LSAMP: variants seen among roughly 807,000 people sequenced by gnomAD.
LSAMP encodes limbic system associated membrane protein.
In LSAMP, 7 loss-of-function variants were observed where a neutral mutation model predicts 38.6. That is an observed-to-expected ratio of 0.18 (90% CI 0.10 to 0.34). The LOEUF is 0.34. LSAMP is among the 10% of genes least tolerant of loss of function. The pLI is 1.00. For missense variants in LSAMP, 313 were observed against 420.0 expected, an observed-to-expected ratio of 0.75 and a Z score of 2.23; for synonymous variants, 154 against 166.8, an observed-to-expected ratio of 0.92 and a Z score of 0.59.
intron 1 of LSAMP, among the ~76,000 whole-genome samples, chr3:116,264,695 G>T (rs375433800): frequency 2.6e-5 from 4 of 152,170 alleles, no homozygotes; most frequent in African/African-American, 9.6e-5. Flanking sequence ...TCAAGCTCCT[G>T]GGCTCAAGCA....
In LSAMP at chr3:115,814,950, T is replaced by TA. The variant is rs137899515; in HGVS notation, c.920-4537dup. On this transcript the variant is annotated intron_variant, in intron 6 of 6. Coordinates refer to ENST00000490035, the MANE Select transcript of LSAMP (RefSeq NM_002338.5). ...AAGATGCATTTAGAAGGAAGCCTGA[T>TA]AAAATTGACTTTGGCGCCACCTGCT... is the stretch of plus-strand genomic sequence containing the variant. Among the ~76,000 whole-genome samples the TA allele has an allele frequency of 3.7e-4, 56 of 152,326 alleles. No individual in the cohort carries two copies. In the East Asian group the frequency reaches 0.011, roughly 29 times the overall value.
At chr3:115,909,960 T>A (rs575802468) in intron 3 of LSAMP, among the ~76,000 whole-genome samples, 9 of 152,322 alleles carry the variant, frequency 5.9e-5, no homozygotes, top group Non-Finnish European at 1.3e-4. Context: ...GGTAGTTATT[T>A]TGGGCTTGCA....
At chr3:116,033,829 C>A (rs904055618) in intron 2 of LSAMP, among the ~76,000 whole-genome samples, 1 of 152,010 alleles carries the variant, frequency 6.6e-6, no homozygotes, top group Non-Finnish European at 1.5e-5. Context: ...GTGGGGAGAA[C>A]GTGATGCAGA....
intron 1 of LSAMP, among the ~76,000 whole-genome samples, chr3:116,267,276 T>C (rs2046904858): frequency 6.6e-6 from 1 of 152,142 alleles, no homozygotes; most frequent in South Asian, 2.1e-4. Context: ...GATCCATCTC[T>C]TTCTGTGAAA....
chr3:116,096,478 G>C (rs928106748), intron 1 of LSAMP, among the ~76,000 whole-genome samples: 8 of 152,170 alleles, frequency 5.3e-5, no homozygotes, highest in Non-Finnish European at 1.2e-4. Context: ...TTAGCAATTG[G>C]CCTCTTCTAG....
chr3:116,420,021 T>C (rs1346555578), intron 1 of LSAMP, among the ~76,000 whole-genome samples: 2 of 152,206 alleles, frequency 1.3e-5, no homozygotes, highest in African/African-American at 4.8e-5. Flanking sequence ...ATTTCCTTCC[T>C]GAAAACTGAG....
chr3:116,171,137 G>A (rs1266855030), intron 1 of LSAMP, among the ~76,000 whole-genome samples: 2 of 152,052 alleles, frequency 1.3e-5, no homozygotes, highest in Admixed American at 6.6e-5. Context: ...ATAAATGGAG[G>A]TCATAATATT....
intron 3 of LSAMP, among the ~76,000 whole-genome samples, chr3:116,010,949 T>C (rs935178880): frequency 3.3e-5 from 5 of 152,232 alleles, no homozygotes; most frequent in African/African-American, 1.2e-4. Flanking sequence ...GTTGATTGAT[T>C]GAACACCTGT....
chr3:115,952,150 C>T (rs1938312188), intron 3 of LSAMP, among the ~76,000 whole-genome samples: 1 of 152,088 alleles, frequency 6.6e-6, no homozygotes, highest in Non-Finnish European at 1.5e-5. Context: ...CAACAGAAAA[C>T]AGTATAGACA....
chr3:115,895,962 G>A (rs1936718448), intron 3 of LSAMP, among the ~76,000 whole-genome samples: 1 of 152,000 alleles, frequency 6.6e-6, no homozygotes, highest in Admixed American at 6.6e-5. Flanking sequence ...TTATTATTAT[G>A]AACATCTATT....
chr3:116,305,744 AAAAC>A (rs1553723181), intron 1 of LSAMP, among the ~76,000 whole-genome samples: 32 of 152,176 alleles, frequency 2.1e-4, no homozygotes, highest in Non-Finnish European at 5.9e-5. Context: ...AGTATGTTGA[AAAAC>A]AAACAGAATT....
intron 1 of LSAMP, among the ~76,000 whole-genome samples, chr3:116,417,802 G>A (rs2049071766): frequency 6.6e-6 from 1 of 150,788 alleles, no homozygotes; most frequent in Non-Finnish European, 1.5e-5. Context: ...TAACACTTTT[G>A]TGTATCTTTG....
In LSAMP at chr3:116,435,110, C is replaced by A. The variant is rs190021458; in HGVS notation, c.155+9767G>T. 3.2e-3 allele frequency among the ~76,000 whole-genome samples: 483 copies of A among 152,276 alleles called. 10 individuals are homozygous for A. The highest frequency in any genetic ancestry group is 0.021 in the Admixed American group (328 of 15,286). On this transcript the variant is annotated intron_variant, in intron 1 of 6. Transcript: ENST00000490035. ...ACAGAGCTAGACCAGGTTTTATGAT[C>A]TGAGATTATACAGTAAGAGTTTTAA... is the stretch of plus-strand genomic sequence containing the variant.
chr3:115,966,283 T>C (rs1160332668), intron 3 of LSAMP, among the ~76,000 whole-genome samples: 1 of 152,208 alleles, frequency 6.6e-6, no homozygotes, highest in Non-Finnish European at 1.5e-5. Flanking sequence ...ACCTATACAG[T>C]ACATGAAGCC....
chr3:116,240,628 A>G (rs1388681695), intron 1 of LSAMP, among the ~76,000 whole-genome samples: 2 of 152,220 alleles, frequency 1.3e-5, no homozygotes, highest in Admixed American at 6.5e-5. Context: ...AGCTAGCAGC[A>G]CCAATTGTAG....
intron 1 of LSAMP, among the ~76,000 whole-genome samples, chr3:116,103,464 CA>C (rs59732794): frequency 0.054 from 2,329 of 42,896 alleles, 14 homozygotes; most frequent in African/African-American, 0.069. Context: ...GACTCCTTCT[CA>C]AAAAAAAAAA....
intron 1 of LSAMP, among the ~76,000 whole-genome samples, chr3:116,347,464 T>C (rs1391709969): frequency 1.3e-5 from 2 of 152,292 alleles, no homozygotes; most frequent in Non-Finnish European, 2.9e-5. Context: ...GTAACTGTGG[T>C]TGAAGGATTT....
chr3:115,945,028 C>T (rs771047660), intron 3 of LSAMP, among the ~76,000 whole-genome samples: 2 of 151,400 alleles, frequency 1.3e-5, no homozygotes, highest in Non-Finnish European at 2.9e-5. Flanking sequence ...ATTTTTTTTC[C>T]TCTTCTTTAC....
intron 1 of LSAMP, among the ~76,000 whole-genome samples, chr3:116,321,184 C>T (rs1401347531): frequency 3.9e-5 from 6 of 151,942 alleles, no homozygotes; most frequent in Non-Finnish European, 7.4e-5. Flanking sequence ...GCCTGGGCAA[C>T]GTGGTAAAAC....
Sources: gnomAD v4.1 joint callset for allele counts (sites outside exome capture counted in the v4.1 genomes callset) on GRCh38, gnomAD v4.1.1 for gene constraint, MANE v1.5 for transcripts, NCBI Gene and HGNC (gene_info 2026-07-23, HGNC 2026-07-21) for gene names.